The following SHISA9 variants were observed in gnomAD, a reference collection of about 807,000 sequenced individuals.
SHISA9 encodes the protein protein shisa-9.
In SHISA9, 13 loss-of-function variants were observed where a neutral mutation model predicts 38.0. The observed-to-expected ratio is 0.34, with a 90% CI of 0.22 to 0.54. The LOEUF (loss-of-function observed/expected upper bound fraction) is 0.54. SHISA9 is among the 20% of genes least tolerant of loss of function. The pLI is 0.91. For synonymous variants in SHISA9, 275 were observed against 242.0 expected (o/e 1.14, Z -1.27); for missense variants, 538 against 575.8 (o/e 0.93, Z 0.67).
chr16:13,073,722 C>A (rs2073546293), intron 2 of SHISA9, among the ~76,000 whole-genome samples: 1 of 152,076 alleles, frequency 6.6e-6, no homozygotes, highest in Non-Finnish European at 1.5e-5. Flanking sequence ...AGTCCTCAAA[C>A]CAATGACAAG....
the SHISA9 span, among the ~76,000 whole-genome samples, chr16:13,522,355 A>G: frequency 2.0e-5 from 3 of 152,210 alleles, no homozygotes; most frequent in African/African-American, 7.2e-5. Context: ...AGAACTTTGA[A>G]CAGTTTTCAT....
chr16:13,137,686 C>G (rs1235096670), intron 2 of SHISA9, among the ~76,000 whole-genome samples: 1 of 152,092 alleles, frequency 6.6e-6, no homozygotes, highest in African/African-American at 2.4e-5. Flanking sequence ...GATCTCTTAA[C>G]CTTGTGATCT....
intron 2 of SHISA9, among the ~76,000 whole-genome samples, chr16:12,918,185 C>T (rs1008893197): frequency 2.0e-5 from 3 of 152,140 alleles, no homozygotes; most frequent in African/African-American, 7.2e-5. Context: ...GACCAAATCC[C>T]ATAGCCCCCC....
In SHISA9 at chr16:13,150,030, TAAAAAAAAA is replaced by T. The variant is rs35012437; in HGVS notation, c.692-53347_692-53339del. On this transcript the variant is annotated intron_variant, in intron 2 of 4. Coordinates refer to ENST00000558583, the MANE Select transcript of SHISA9 (RefSeq NM_001145204.3). ...CAATGGTCATTATCATCCTCATCATTAAAAAAAAAAAAAAAAAAAAAAAAACTAGCCTGT... is the reference window on the plus strand; with the variant it reads ...CAATGGTCATTATCATCCTCATCATTAAAAAAAAAAAAAAAACTAGCCTGT... 5.9e-5 allele frequency among the ~76,000 whole-genome samples: 4 copies of T among 67,674 alleles called. No homozygotes were observed. The Admixed American group carries it at 8.8e-4, about 15-fold the overall frequency. The allele number at this position is 67,674 out of a possible 152,430, so 44.4% of individuals were successfully genotyped here.
At chr16:13,194,889 C>A (rs2050922209) in intron 2 of SHISA9, among the ~76,000 whole-genome samples, 1 of 152,050 alleles carries the variant, frequency 6.6e-6, no homozygotes, top group South Asian at 2.1e-4. Context: ...ATAATGGGAG[C>A]CAGGTTTATT....
At chr16:13,059,108 G>A (rs1251732841) in intron 2 of SHISA9, among the ~76,000 whole-genome samples, 1 of 143,636 alleles carries the variant, frequency 7.0e-6, no homozygotes, top group African/African-American at 2.6e-5. Context: ...CTTTGCCTCT[G>A]TAAAAACTCT....
At chr16:13,377,185 C>T in the SHISA9 span, among the ~76,000 whole-genome samples, 1 of 152,184 alleles carries the variant, frequency 6.6e-6, no homozygotes, top group Admixed American at 6.5e-5. Flanking sequence ...GAATGAGGCT[C>T]TTATTCCATC....
the SHISA9 span, among the ~76,000 whole-genome samples, chr16:13,271,590 GA>G: frequency 1.1e-4 from 17 of 152,134 alleles, no homozygotes; most frequent in African/African-American, 4.1e-4. Flanking sequence ...CATCATGAAT[GA>G]ACCTCAAATA....
chr16:13,379,466 CCTG>C, the SHISA9 span, among the ~76,000 whole-genome samples: 1 of 152,218 alleles, frequency 6.6e-6, no homozygotes, highest in African/African-American at 2.4e-5. Context: ...CTTCCCTCCT[CCTG>C]CTCCAGCCTG....
chr16:13,520,326 G>A, the SHISA9 span, among the ~76,000 whole-genome samples: 19 of 152,200 alleles, frequency 1.2e-4, no homozygotes, highest in East Asian at 2.3e-3. Context: ...GGGGCCAGGC[G>A]TGGTGGCTCA....
At chr16:13,074,866 G>T (rs534742525) in intron 2 of SHISA9, among the ~76,000 whole-genome samples, 27 of 151,998 alleles carry the variant, frequency 1.8e-4, no homozygotes, top group Non-Finnish European at 3.8e-4. Flanking sequence ...GTTTCACCAA[G>T]TTGGCCAGGC....
intron 2 of SHISA9, among the ~76,000 whole-genome samples, chr16:12,998,333 C>T (rs2072483945): frequency 6.6e-6 from 1 of 152,316 alleles, no homozygotes; most frequent in East Asian, 1.9e-4. Flanking sequence ...ATTTCTTGCT[C>T]ATGTGGCACT....
the SHISA9 span, among the ~76,000 whole-genome samples, chr16:13,551,275 A>G: frequency 6.6e-6 from 1 of 152,176 alleles, no homozygotes; most frequent in Non-Finnish European, 1.5e-5. Flanking sequence ...GCTATTTACT[A>G]AAATACACAT....
chr16:13,199,683 T>C (rs1203560142), intron 2 of SHISA9, among the ~76,000 whole-genome samples: 2 of 152,308 alleles, frequency 1.3e-5, no homozygotes, highest in African/African-American at 2.4e-5. Context: ...TTGACTCCAA[T>C]GGTTCCAAGT....
intron 2 of SHISA9, among the ~76,000 whole-genome samples, chr16:12,990,518 G>T (rs2072370803): frequency 6.6e-6 from 1 of 152,206 alleles, no homozygotes; most frequent in Non-Finnish European, 1.5e-5. Flanking sequence ...TTCACATCAT[G>T]AATTATTTAA....
the SHISA9 span, among the ~76,000 whole-genome samples, chr16:13,358,894 C>T: frequency 4.5e-4 from 69 of 152,270 alleles, no homozygotes; most frequent in African/African-American, 1.6e-3. Context: ...GAAGGACCTG[C>T]TGGAATGAGG....
the SHISA9 span, among the ~76,000 whole-genome samples, chr16:13,370,189 G>A: frequency 2.6e-5 from 4 of 152,130 alleles, no homozygotes; most frequent in Non-Finnish European, 2.9e-5. Context: ...CTGTTTTTAC[G>A]CCTCCTGGCT....
At chr16:13,155,315 A>G (rs536178819) in intron 2 of SHISA9, among the ~76,000 whole-genome samples, 5 of 152,330 alleles carry the variant, frequency 3.3e-5, no homozygotes, top group East Asian at 1.9e-4. Flanking sequence ...TGGATGGAAC[A>G]TAATTATTTA....
chr16:13,028,920 G>C (rs1481601032), intron 2 of SHISA9, among the ~76,000 whole-genome samples: 1 of 152,118 alleles, frequency 6.6e-6, no homozygotes, highest in East Asian at 1.9e-4. Flanking sequence ...TGTGAGTGGG[G>C]GACGAGTCCT....
Sources: gnomAD v4.1 joint callset for allele counts (sites outside exome capture counted in the v4.1 genomes callset) on GRCh38, gnomAD v4.1.1 for gene constraint, MANE v1.5 for transcripts, NCBI Gene and HGNC (gene_info 2026-07-23, HGNC 2026-07-21) for gene names.